APLF: variants seen among roughly 807,000 people sequenced by gnomAD.
APLF encodes aprataxin and PNK-like factor.
In APLF, 61 loss-of-function variants were observed where a neutral mutation model predicts 55.6. The observed-to-expected ratio is 1.10, with a 90% CI of 0.89 to 1.36. The LOEUF is 1.36. APLF is among the 40% of genes most tolerant of loss of function. The pLI, the probability that APLF is intolerant of heterozygous loss-of-function variation, is 0.00. For missense variants in APLF, 611 were observed against 602.5 expected (o/e 1.01, Z -0.15); for synonymous variants, 207 against 214.8 (o/e 0.96, Z 0.32).
chr2:68,533,072 C>G (rs1415266014), intron 6 of APLF, among the ~76,000 whole-genome samples: 1 of 151,974 alleles, frequency 6.6e-6, no homozygotes, highest in Non-Finnish European at 1.5e-5. Context: ...AAAAAAAGGT[C>G]GGGGGCTTGG....
chr2:68,501,626 A>G (rs999507727), intron 2 of APLF, among the ~76,000 whole-genome samples: 1 of 152,172 alleles, frequency 6.6e-6, no homozygotes, highest in Non-Finnish European at 1.5e-5. Context: ...AACTCTTGTT[A>G]TCTTTGCTAA....
At chr2:68,544,905 T>C (rs1356286544) in intron 7 of APLF, among the ~76,000 whole-genome samples, 2 of 152,184 alleles carry the variant, frequency 1.3e-5, no homozygotes, top group Non-Finnish European at 2.9e-5. Context: ...ATATGTGTCA[T>C]ATATATAGTA....
chr2:68,503,016 T>G, intron 3 of APLF, 113 bp downstream of exon 3: 1 of 1,104,752 alleles, frequency 9.1e-7, no homozygotes, highest in South Asian at 1.5e-5. Flanking sequence ...ATAGAGTAGG[T>G]GTGTAATGTG....
At chr2:68,541,850 G>T (rs1009359134) in intron 7 of APLF, among the ~76,000 whole-genome samples, 2 of 152,116 alleles carry the variant, frequency 1.3e-5, no homozygotes, top group Non-Finnish European at 2.9e-5. Flanking sequence ...TCTTGAAGAT[G>T]ATCAAAGTTG....
chr2:68,552,757 G>T (rs1332365663), intron 8 of APLF, among the ~76,000 whole-genome samples: 1 of 152,012 alleles, frequency 6.6e-6, no homozygotes, highest in African/African-American at 2.4e-5. Context: ...TCAGAGAAGG[G>T]GCTAGTCAAG....
chr2:68,526,123 A>G lies in APLF; in HGVS notation c.685A>G (p.Thr229Ala), dbSNP rs752811513. 9 of 1,613,872 alleles carry G rather than the reference A, an allele frequency of 5.6e-6. No individual in the cohort carries two copies. Among genetic ancestry groups the G allele is most frequent in the Admixed American group, 1.7e-5 (1 of 60,012 alleles). The change falls in exon 6 of 10, where the codon ACC becomes GCC. Residue 229 changes from threonine to alanine, a missense_variant. By Grantham distance (58) the Thr-to-Ala change is moderately conservative. Coordinates refer to ENST00000303795, the MANE Select transcript of APLF (RefSeq NM_173545.3). ...ICKDKSQLNT[T>A]QQGRRQLISS... ...CAAAGATAAATCCCAGCTAAACACA[A>G]CCCAGCAAGGAAGAAGGCAATTAAT...
intron 6 of APLF, among the ~76,000 whole-genome samples, chr2:68,527,042 C>G (rs990630255): frequency 3.3e-5 from 5 of 152,214 alleles, no homozygotes; most frequent in African/African-American, 1.2e-4. Context: ...ACGCTCCTCA[C>G]TTCCCAGATG....
rs372159998 is a variant in APLF, at chr2:68,519,535, C to T, written c.622+5855C>T. Among the ~76,000 whole-genome samples the T allele has an allele frequency of 1.5e-3, 223 of 149,936 alleles. 8 individuals carry two copies. The South Asian group carries it at 0.045, about 30-fold the overall frequency. On this transcript the variant is annotated intron_variant, in intron 5 of 9. Coordinates refer to ENST00000303795, the MANE Select transcript of APLF (RefSeq NM_173545.3). ...TGGTCAAGTTAAGTCTTTCTTTTATCAGAGAAATTATTCTACTGAGGGAAA... is the reference window on the plus strand; with the variant it reads ...TGGTCAAGTTAAGTCTTTCTTTTATTAGAGAAATTATTCTACTGAGGGAAA...
intron 6 of APLF, among the ~76,000 whole-genome samples, chr2:68,532,433 G>T (rs933954359): frequency 6.6e-6 from 1 of 152,118 alleles, no homozygotes; most frequent in Non-Finnish European, 1.5e-5. Flanking sequence ...TGCATCAGTG[G>T]TATCTTAAAC....
intron 5 of APLF, among the ~76,000 whole-genome samples, chr2:68,515,271 C>A (rs1322306433): frequency 6.8e-6 from 1 of 147,344 alleles, no homozygotes; most frequent in Non-Finnish European, 1.5e-5. Flanking sequence ...TTCTTCCCAC[C>A]CCCACAGTTA....
chr2:68,471,509 A>G (rs918025391), intron 1 of APLF, among the ~76,000 whole-genome samples: 1 of 152,138 alleles, frequency 6.6e-6, no homozygotes, highest in Admixed American at 6.5e-5. Context: ...ACAACCTCAC[A>G]TGGGGACTGG....
chr2:68,544,611 AG>A (rs1315648343), intron 7 of APLF, among the ~76,000 whole-genome samples: 2 of 152,178 alleles, frequency 1.3e-5, no homozygotes, highest in Non-Finnish European at 2.9e-5. Context: ...AATTTCTAAT[AG>A]GGTAAATATC....
At chr2:68,565,944 G>T (rs1671296551) in intron 8 of APLF, among the ~76,000 whole-genome samples, 2 of 151,986 alleles carry the variant, frequency 1.3e-5, no homozygotes, top group Admixed American at 6.6e-5. Flanking sequence ...ACAAACCTGG[G>T]GGTGAACTTC....
At chr2:68,469,296 A>G (rs184707167) in intron 1 of APLF, among the ~76,000 whole-genome samples, 7 of 152,272 alleles carry the variant, frequency 4.6e-5, no homozygotes, top group Admixed American at 2.0e-4. Flanking sequence ...GACTTGCTTA[A>G]GAAATTGTCA....
At chr2:68,542,789 A>G (rs547867783) in intron 7 of APLF, among the ~76,000 whole-genome samples, 35 of 152,330 alleles carry the variant, frequency 2.3e-4, no homozygotes, top group African/African-American at 7.5e-4. Context: ...ACCCTATTAT[A>G]TAGAAATTCC....
At chr2:68,514,823 T>C (rs1399082081) in intron 5 of APLF, among the ~76,000 whole-genome samples, 1 of 151,836 alleles carries the variant, frequency 6.6e-6, no homozygotes. Flanking sequence ...TTTTCAACCT[T>C]GACACTTCTC....
chr2:68,580,009 A>C lies in APLF; in HGVS notation c.*1987A>C. ...AGGGTAATACCAGTCTTTTAGAAGG[A>C]AAAAAATATTTAATATCAAAGGATA... On this transcript the variant is annotated 3_prime_UTR_variant, in exon 10 of 10. Transcript: ENST00000303795. 1 of 901,232 alleles carries C rather than the reference A, an allele frequency of 1.1e-6. No individual in the cohort carries two copies. Among genetic ancestry groups the C allele is most frequent in the African/African-American group, 1.8e-5 (1 of 55,538 alleles). The allele number at this position is 901,232 out of a possible 1,614,324, so 55.8% of individuals were successfully genotyped here.
Position 68,528,158 on chromosome 2 carries a change from A to G in APLF, c.804+1916A>G, listed in dbSNP as rs567363987. 2.4e-4 allele frequency: 150 copies of G among 634,198 alleles called. No individual in the cohort carries two copies. The African/African-American group carries it at 2.5e-3, about 11-fold the overall frequency. 39.3% of individuals were successfully genotyped at this position (634,198 alleles called of 1,614,324 possible). A position where few individuals can be genotyped will look rare whatever the true frequency, so the allele number is the denominator to read the frequency against. On this transcript the variant is annotated intron_variant, in intron 6 of 9. Coordinates refer to ENST00000303795, the MANE Select transcript of APLF (RefSeq NM_173545.3). ...GATGGTGCAGGCAGAGATGCTCCTC[A>G]GGTCTCAATCTCTTGACCTCCTGAT...
chr2:68,503,268 T>C (rs940273393), intron 3 of APLF, among the ~76,000 whole-genome samples: 2 of 152,140 alleles, frequency 1.3e-5, no homozygotes, highest in African/African-American at 2.4e-5. Flanking sequence ...TGAATTTTAT[T>C]AAGGTATTAA....
Sources: gnomAD v4.1 joint callset for allele counts (sites outside exome capture counted in the v4.1 genomes callset) on GRCh38, gnomAD v4.1.1 for gene constraint, MANE v1.5 for transcripts, NCBI Gene and HGNC (gene_info 2026-07-23, HGNC 2026-07-21) for gene names.